EPS8L2: variants seen among roughly 807,000 people sequenced by gnomAD.
EPS8L2 encodes the protein EPS8 signaling adaptor L2, also known as epidermal growth factor receptor kinase substrate 8-like protein 2.
EPS8L2 carries 81 observed loss-of-function variants against 99.4 expected under a neutral mutation model. The observed-to-expected ratio is 0.82, with a 90% confidence interval of 0.68 to 0.98. EPS8L2 has a LOEUF of 0.98. Among genes scored for constraint, EPS8L2 ranks in the 50% least tolerant of loss-of-function variants. The pLI is 0.00. For missense variants in EPS8L2, 1,155 were observed against 968.8 expected (o/e 1.19, Z -2.55); for synonymous variants, 509 against 407.3 (o/e 1.25, Z -3.01).
chr11:715,037 T>A (rs1861983104), intron 4 of EPS8L2, among the ~76,000 whole-genome samples: 1 of 152,026 alleles, frequency 6.6e-6, no homozygotes, highest in African/African-American at 2.4e-5. Context: ...GGTCAGGAGA[T>A]CAAGACCATT....
Position 709,549 on chromosome 11 carries a change from G to T in EPS8L2, c.45-4G>T, listed in dbSNP as rs1273612669. 1.3e-5 allele frequency: 21 copies of T among 1,611,382 alleles called. No individual in the cohort carries two copies. Among genetic ancestry groups the T allele is most frequent in the Non-Finnish European group, 1.8e-5 (21 of 1,179,092 alleles). ...GCCCTGCCCTGACAGCCCCTCCCCT[G>T]CAGTGGCAGCCTGGGCCGGTCCGAC... is the stretch of plus-strand genomic sequence containing the variant. On this transcript the variant is annotated splice_region_variant and splice_polypyrimidine_tract_variant and intron_variant, in intron 2 of 20. Transcript: ENST00000318562.
chr11:726,618 G>A lies in EPS8L2; in HGVS notation c.1935-1G>A. The A allele has an allele frequency of 1.9e-6, 3 of 1,550,272 alleles. No homozygotes were observed. Among genetic ancestry groups the A allele is most frequent in the South Asian group, 1.2e-5 (1 of 84,042 alleles). ...CCTGACGCCCAACTGCCCGCCCCCAGGATCGTGGAGAACCTGGGCATCCTG... is the reference window on the plus strand; with the variant it reads ...CCTGACGCCCAACTGCCCGCCCCCAAGATCGTGGAGAACCTGGGCATCCTG... On this transcript the variant is annotated splice_acceptor_variant, in intron 19 of 20. Coordinates refer to ENST00000318562, the MANE Select transcript of EPS8L2 (RefSeq NM_022772.4). LOFTEE classifies it high-confidence loss of function.
chr11:717,882 G>C (rs945721573), intron 4 of EPS8L2, among the ~76,000 whole-genome samples: 1 of 151,984 alleles, frequency 6.6e-6, no homozygotes, highest in Non-Finnish European at 1.5e-5. Flanking sequence ...GGTGGCAGGC[G>C]CCTGTAGTCC....
Position 716,223 on chromosome 11 carries a change from A to G in EPS8L2, c.166-3839A>G, listed in dbSNP as rs375484231. ...GAGTGCAGTGGCACCATCTCAGCTC[A>G]CAGCAAGCTCCGCCTCCCAGGTTCA... On this transcript the variant is annotated intron_variant, in intron 4 of 20. Transcript: ENST00000318562. 2.7e-5 allele frequency among the ~76,000 whole-genome samples: 4 copies of G among 149,348 alleles called. No individual in the cohort carries two copies. In the East Asian group the frequency reaches 6.0e-4, roughly 22 times the overall value.
intron 7 of EPS8L2, 54 bp from the exon 8 acceptor site, chr11:721,010 G>A (rs927662956): frequency 9.3e-6 from 9 of 967,950 alleles, no homozygotes; most frequent in Non-Finnish European, 1.1e-5. Context: ...CCGGCAGGGA[G>A]GGAGGGTCAG....
At position 724,208 on chromosome 11, in the gene EPS8L2, C is replaced by T. The variant is rs1862259353; in HGVS notation, c.1455-516C>T. 6.6e-6 allele frequency among the ~76,000 whole-genome samples: 1 copy of T among 152,194 alleles called. No homozygotes were observed. Among genetic ancestry groups the T allele is most frequent in the African/African-American group, 2.4e-5 (1 of 41,460 alleles). Reference sequence around the variant, plus strand: ...CCACAGGCCTGCTACATGCCAAAGCCAGGACCCCTCAGCCAGGGCCAGCCC... The same window carrying T: ...CCACAGGCCTGCTACATGCCAAAGCTAGGACCCCTCAGCCAGGGCCAGCCC... On this transcript the variant is annotated intron_variant, in intron 15 of 20. Coordinates refer to ENST00000318562, the MANE Select transcript of EPS8L2 (RefSeq NM_022772.4). The surrounding 1 kb of genome is among the most constrained non-coding windows in gnomAD (Gnocchi z 5.5).
At position 727,036 on chromosome 11, in the gene EPS8L2, G is replaced by A. The variant is rs1862350776; in HGVS notation, c.*55G>A. 5.0e-6 allele frequency: 6 copies of A among 1,207,744 alleles called. No individual in the cohort carries two copies. In the Admixed American group the frequency reaches 9.5e-5, roughly 19 times the overall value. 74.8% of individuals were successfully genotyped at this position (1,207,744 alleles called of 1,614,324 possible). The stretch of plus-strand genomic sequence containing the variant: ...AGGGGAAGCCCACCCACAATGCATG[G>A]AGTATTATTTTTATATGTGTATGTA... On this transcript the variant is annotated 3_prime_UTR_variant, in exon 21 of 21. Coordinates refer to ENST00000318562, the MANE Select transcript of EPS8L2 (RefSeq NM_022772.4).
At chr11:726,072 A>G (rs917773933) in intron 17 of EPS8L2, 26 bp from the exon 18 acceptor site, 4 of 1,433,782 alleles carry the variant, frequency 2.8e-6, no homozygotes, top group South Asian at 1.3e-5. Flanking sequence ...GGGCGTGGGG[A>G]GCCTAATCGC....
intron 4 of EPS8L2, among the ~76,000 whole-genome samples, chr11:718,880 G>C (rs1221630933): frequency 1.3e-5 from 2 of 150,848 alleles, no homozygotes; most frequent in African/African-American, 4.9e-5. Flanking sequence ...ATATTAGCCA[G>C]GATGATCTCA....
chr11:715,137 G>T (rs1024097609), intron 4 of EPS8L2, among the ~76,000 whole-genome samples: 2 of 152,040 alleles, frequency 1.3e-5, no homozygotes, highest in Non-Finnish European at 2.9e-5. Flanking sequence ...AGCTACTCGG[G>T]AGGCTGAGGC....
At chr11:721,006 G>GGGAGGGAGGGGAGGAGCCCGGCAA in intron 7 of EPS8L2, 58 bp from the exon 8 acceptor site, 1 of 1,482,596 alleles carries the variant, frequency 6.7e-7, no homozygotes, top group Non-Finnish European at 8.9e-7. Context: ...GAGCCCGGCA[G>GGGAGGGAGGGGAGGAGCCCGGCAA]GGAGGGAGGG....
Position 721,932 on chromosome 11 carries a change from C to A in EPS8L2, c.925C>A (p.Pro309Thr). 1 of 1,597,686 alleles carries A rather than the reference C, an allele frequency of 6.3e-7. No homozygotes were observed. The highest frequency in any genetic ancestry group is 2.3e-5 in the East Asian group (1 of 43,788). Residue 309 changes from proline to threonine, a missense_variant, in exon 11 of 21, where the codon CCC (proline) becomes ACC (threonine). By Grantham distance (38) the Pro-to-Thr change is conservative. Transcript: ENST00000318562. ...EGVLTLRARP[P>T]SEGEFIDCFQ... ...CGTCCTCACACTGCGGGCACGGCCC[C>A]CCTCTGAGGGCGAGTTCATCGACTG...
chr11:724,501 C>T lies in EPS8L2; in HGVS notation c.1455-223C>T, dbSNP rs1350859151. 1.0e-5 allele frequency: 6 copies of T among 571,724 alleles called. No individual in the cohort carries two copies. Among genetic ancestry groups the T allele is most frequent in the South Asian group, 2.0e-5 (1 of 50,336 alleles). 35.4% of individuals were successfully genotyped at this position (571,724 alleles called of 1,614,324 possible). A position where few individuals can be genotyped will look rare whatever the true frequency, so the allele number is the denominator to read the frequency against. Reference sequence around the variant, plus strand: ...GTACCACAGGCCCCTGCGCCACGCCCACCTCCTGCCTGCCCCGCCTCCACG... The same window carrying T: ...GTACCACAGGCCCCTGCGCCACGCCTACCTCCTGCCTGCCCCGCCTCCACG... On this transcript the variant is annotated intron_variant, in intron 15 of 20. Coordinates refer to ENST00000318562, the MANE Select transcript of EPS8L2 (RefSeq NM_022772.4). The surrounding 1 kb of genome is among the most constrained non-coding windows in gnomAD (Gnocchi z 5.5).
intron 1 of EPS8L2, 59 bp from the exon 2 acceptor site, chr11:709,271 G>A (rs1861819573): frequency 6.6e-6 from 7 of 1,054,962 alleles, no homozygotes; most frequent in Non-Finnish European, 9.7e-6. Context: ...GCCCAGGGAA[G>A]GAGGGGAGGA....
In EPS8L2 at chr11:721,562, C is replaced by A. The variant is rs987464411; in HGVS notation, c.769-3C>A. 16 of 1,554,190 alleles carry A rather than the reference C, an allele frequency of 1.0e-5. No individual in the cohort carries two copies. Among genetic ancestry groups the A allele is most frequent in the Non-Finnish European group, 1.4e-5 (16 of 1,153,774 alleles). ...GCTGACCCCTGACCCCCTCTGACCC[C>A]AGCAAATCCTCAACTGCGCCCTGGA... is the stretch of plus-strand genomic sequence containing the variant. On this transcript the variant is annotated splice_region_variant and splice_polypyrimidine_tract_variant and intron_variant, in intron 9 of 20. Transcript: ENST00000318562.
intron 16 of EPS8L2, among the ~76,000 whole-genome samples, chr11:725,292 C>T (rs1387798136): frequency 6.6e-6 from 1 of 152,240 alleles, no homozygotes; most frequent in Admixed American, 6.5e-5. Flanking sequence ...GGGAGGATCC[C>T]TTTAGCCCAC....
At chr11:715,968 C>CTTTTTTTTTTTTTT in intron 4 of EPS8L2, among the ~76,000 whole-genome samples, 1 of 91,572 alleles carries the variant, frequency 1.1e-5, no homozygotes, top group Non-Finnish European at 2.0e-5. Context: ...GATTATTTAT[C>CTTTTTTTTTTTTTT]TTTTTTTTTT....
chr11:711,249 T>TGTGC (rs1438013261), intron 4 of EPS8L2, among the ~76,000 whole-genome samples: 1 of 143,840 alleles, frequency 7.0e-6, no homozygotes, highest in African/African-American at 2.7e-5. Context: ...TGTGTGCGTG[T>TGTGC]GTGCGTGTGT....
At position 722,733 on chromosome 11, in the gene EPS8L2, G is replaced by A; in HGVS notation, c.1269G>A (p.Trp423Ter). 6.2e-7 allele frequency: 1 copy of A among 1,607,046 alleles called. No individual in the cohort carries two copies. Among genetic ancestry groups the A allele is most frequent in the Non-Finnish European group, 8.5e-7 (1 of 1,177,604 alleles). ...PLYVPKFHSGWEPPVDVLQEA... is the reference protein window; with the variant it reads ...PLYVPKFHSG ...ACGTGCCCAAGTTCCACAGCGGCTG[G>A]GAGCCTCCTGTGGATGTGCTGCAGG... The change falls in exon 14 of 21, where the codon TGG (tryptophan) becomes TGA (stop). Residue 423 changes from tryptophan (W) to a stop codon, truncating the protein, a stop_gained. Transcript: ENST00000318562. LOFTEE classifies it high-confidence loss of function.
Sources: gnomAD v4.1 joint callset for allele counts (sites outside exome capture counted in the v4.1 genomes callset) on GRCh38, gnomAD v4.1.1 for gene constraint, Gnocchi (gnomAD v3.1) non-coding constraint, MANE v1.5 for transcripts, NCBI Gene and HGNC (gene_info 2026-07-23, HGNC 2026-07-21) for gene names.